PALD1: variants seen among roughly 807,000 people sequenced by gnomAD.
PALD1 encodes phosphatase domain containing paladin 1.
PALD1 carries 57 observed loss-of-function variants against 96.0 expected under a neutral mutation model. That is an observed-to-expected ratio of 0.59 (90% CI 0.48 to 0.74). PALD1 has a LOEUF of 0.74. PALD1 is among the 30% of genes least tolerant of loss of function. The pLI is 0.00. For synonymous variants in PALD1, 464 were observed against 473.6 expected, an observed-to-expected ratio of 0.98 and a Z score of 0.26; for missense variants, 1,063 against 1,143.7, an observed-to-expected ratio of 0.93 and a Z score of 1.02.
At chr10:70,460,771 C>T in the PALD1 span, among the ~76,000 whole-genome samples, 1 of 152,168 alleles carries the variant, frequency 6.6e-6, no homozygotes, top group African/African-American at 2.4e-5. Flanking sequence ...AATACAAGCT[C>T]CAGGCCGGGC....
the PALD1 span, among the ~76,000 whole-genome samples, chr10:70,473,343 T>C: frequency 2.6e-5 from 4 of 152,350 alleles, no homozygotes; most frequent in African/African-American, 9.6e-5. Context: ...CTCTGTGTCC[T>C]GAGCCCAGAG....
At chr10:70,479,982 TAGTGGAA>T (rs1196384012) in intron 1 of PALD1, among the ~76,000 whole-genome samples, 1 of 152,214 alleles carries the variant, frequency 6.6e-6, no homozygotes, top group Non-Finnish European at 1.5e-5. Context: ...GAACTGGTAA[TAGTGGAA>T]AGCCAAGAGG....
Position 70,529,222 on chromosome 10 carries a change from C to CGGG in PALD1, c.186-7_186-6insGGG. 2.5e-6 allele frequency: 1 copy of CGGG among 406,752 alleles called. No individual in the cohort carries two copies. Among genetic ancestry groups the CGGG allele is most frequent in the Non-Finnish European group, 4.3e-6 (1 of 233,994 alleles). 25.2% of individuals were successfully genotyped at this position (406,752 alleles called of 1,614,324 possible). ...GTTTCCATTCTGCCCCCCCCCCCCC[C>CGGG]CCCCAGGTACAACTGCAAGGAGGAG... On this transcript the variant is annotated splice_region_variant and splice_polypyrimidine_tract_variant and intron_variant, in intron 2 of 19. Coordinates refer to ENST00000263563, the MANE Select transcript of PALD1 (RefSeq NM_014431.3).
intron 1 of PALD1, among the ~76,000 whole-genome samples, chr10:70,515,113 G>A (rs1846593047): frequency 6.6e-6 from 1 of 152,118 alleles, no homozygotes; most frequent in Non-Finnish European, 1.5e-5. Flanking sequence ...AGACAGGGTG[G>A]GGAGGTAAAG....
chr10:70,519,573 CTTT>C (rs1192092171), intron 1 of PALD1, among the ~76,000 whole-genome samples: 11 of 133,632 alleles, frequency 8.2e-5, no homozygotes, highest in Admixed American at 2.2e-4. Flanking sequence ...TTCTTTCTTT[CTTT>C]TTTTTTTTTT....
At chr10:70,559,799 G>C (rs1847698528) in intron 18 of PALD1, among the ~76,000 whole-genome samples, 1 of 152,140 alleles carries the variant, frequency 6.6e-6, no homozygotes, top group African/African-American at 2.4e-5. Context: ...TTGTGGGTTT[G>C]GGCTGCCTGA....
At chr10:70,530,327 C>T (rs1428524815) in intron 4 of PALD1, among the ~76,000 whole-genome samples, 1 of 152,182 alleles carries the variant, frequency 6.6e-6, no homozygotes, top group African/African-American at 2.4e-5. Context: ...TTGGGAGCCT[C>T]AGAGGAAGCA....
intron 1 of PALD1, among the ~76,000 whole-genome samples, chr10:70,496,855 G>A (rs1846203542): frequency 6.6e-6 from 1 of 152,190 alleles, no homozygotes; most frequent in Admixed American, 6.5e-5. Context: ...GAGAGAGGAA[G>A]AGCCTTGCCC....
chr10:70,538,993 C>T lies in PALD1; in HGVS notation c.1554C>T (p.Ala518=), dbSNP rs751550444. The change falls in exon 13 of 20, where the codon GCC becomes GCT. Residue 518 remains alanine (A), a synonymous_variant. Transcript: ENST00000263563. ...CCCGCATGCCCATCTACGGCACGGC[C>T]CAGCCCAGCGCCAAGGTGACCGGCC... ...RVPRMPIYGT[A]QPSAKALGSI... is the part of the protein sequence containing the mutation. 1.9e-6 allele frequency: 3 copies of T among 1,613,802 alleles called. No homozygotes were observed. The highest frequency in any genetic ancestry group is 1.1e-5 in the South Asian group (1 of 91,084).
chr10:70,467,051 G>A, the PALD1 span, among the ~76,000 whole-genome samples: 2 of 152,190 alleles, frequency 1.3e-5, no homozygotes, highest in Non-Finnish European at 2.9e-5. Flanking sequence ...CCTGACGGGC[G>A]GGCCTGGGGG....
chr10:70,501,830 T>TGCGC (rs1354666001), intron 1 of PALD1, among the ~76,000 whole-genome samples: 1 of 145,236 alleles, frequency 6.9e-6, no homozygotes, highest in African/African-American at 2.5e-5. Flanking sequence ...TGTGTGTGTG[T>TGCGC]GTGTGCGTGC....
intron 1 of PALD1, among the ~76,000 whole-genome samples, chr10:70,498,466 C>T (rs919345924): frequency 4.6e-5 from 7 of 151,902 alleles, no homozygotes; most frequent in Non-Finnish European, 8.8e-5. Flanking sequence ...TATTTTTTAT[C>T]GAGGTGAGAT....
chr10:70,475,834 G>A (rs1211209253), upstream of PALD1, among the ~76,000 whole-genome samples: 2 of 152,192 alleles, frequency 1.3e-5, no homozygotes, highest in African/African-American at 4.8e-5. Flanking sequence ...GTCTGTCGGG[G>A]CGTGAGTAAC....
At chr10:70,475,657 G>A (rs1193875372), upstream of PALD1, among the ~76,000 whole-genome samples, 8 of 152,124 alleles carry the variant, frequency 5.3e-5, no homozygotes, top group African/African-American at 1.7e-4. Context: ...GCTTTCCAGC[G>A]AGTCATTTGT....
upstream of PALD1, among the ~76,000 whole-genome samples, chr10:70,477,917 A>AC (rs11389881): frequency 0.83 from 126,765 of 152,068 alleles, 53,369 homozygotes; most frequent in East Asian, 0.93. Context: ...GCGAGGAAGC[A>AC]CAGCGAAGAG....
chr10:70,475,456 C>T (rs1845811848), upstream of PALD1, among the ~76,000 whole-genome samples: 1 of 152,186 alleles, frequency 6.6e-6, no homozygotes, highest in Non-Finnish European at 1.5e-5. Context: ...GCACATGATC[C>T]CTGTTCTTGG....
At chr10:70,528,331 G>A (rs1217719006) in intron 2 of PALD1, among the ~76,000 whole-genome samples, 1 of 152,120 alleles carries the variant, frequency 6.6e-6, no homozygotes, top group Non-Finnish European at 1.5e-5. Context: ...TTTATCTGTG[G>A]GTTTTGTTTG....
At chr10:70,561,747 C>T (rs538719418) in intron 18 of PALD1, among the ~76,000 whole-genome samples, 1 of 152,284 alleles carries the variant, frequency 6.6e-6, no homozygotes, top group South Asian at 2.1e-4. Context: ...CCGCCATGAG[C>T]TCCTCCCACT....
rs1847068204 is a variant in PALD1, at chr10:70,534,507, A to T, written c.1105A>T (p.Arg369Trp). 6.2e-7 allele frequency: 1 copy of T among 1,612,166 alleles called. No homozygotes were observed. The part of the protein sequence containing the change: ...QSFLRMVPQG[R>W]RMVEEVDRAI... ...CTTTCTCCGCATGGTGCCCCAGGGA[A>T]GGAGGATGGTGGAAGAGGTGAGTGA... The change falls in exon 9 of 20, where the codon AGG (arginine) becomes TGG (tryptophan). Residue 369 changes from arginine to tryptophan, a missense_variant. Coordinates refer to ENST00000263563, the MANE Select transcript of PALD1 (RefSeq NM_014431.3).
Sources: allele counts gnomAD v4.1 joint callset (sites outside exome capture counted in the v4.1 genomes callset), GRCh38; gene constraint gnomAD v4.1.1; transcripts MANE v1.5; gene names NCBI Gene and HGNC (gene_info 2026-07-23, HGNC 2026-07-21).